Variants in PPM1D observed in about 807,000 individuals in gnomAD.
PPM1D encodes the protein protein phosphatase, Mg2+/Mn2+ dependent 1D, also known as protein phosphatase 1D.
PPM1D carries 52 observed loss-of-function variants against 58.3 expected under a neutral mutation model. The observed-to-expected ratio is 0.89, with a 90% CI of 0.71 to 1.12. PPM1D has a LOEUF of 1.12. PPM1D is among the 50% of genes most tolerant of loss of function. The pLI is 0.00. For synonymous variants in PPM1D, 278 were observed against 285.1 expected (o/e 0.98, Z 0.25); for missense variants, 564 against 777.2 (o/e 0.73, Z 3.26).
intron 2 of PPM1D, among the ~76,000 whole-genome samples, chr17:60,628,067 C>T (rs2030846074): frequency 1.3e-5 from 2 of 151,958 alleles, no homozygotes; most frequent in South Asian, 2.1e-4. Context: ...CGGGGTTTCA[C>T]GAACTCCCGA....
intron 1 of PPM1D, among the ~76,000 whole-genome samples, chr17:60,603,075 C>G (rs555942440): frequency 8.5e-5 from 13 of 152,270 alleles, no homozygotes; most frequent in South Asian, 2.1e-4. Context: ...CCCTGCCCCC[C>G]CAACAAGGAA....
intron 1 of PPM1D, among the ~76,000 whole-genome samples, chr17:60,622,002 A>G (rs927553142): frequency 6.6e-6 from 1 of 151,130 alleles, no homozygotes; most frequent in African/African-American, 2.4e-5. Context: ...CCTGGCTAAC[A>G]CAGTGAAACC....
rs754248455 is a variant in PPM1D, at chr17:60,663,481, A to C, written c.1747A>C (p.Arg583=). 6.2e-7 allele frequency: 1 copy of C among 1,613,982 alleles called. No individual in the cohort carries two copies. The highest frequency in any genetic ancestry group is 1.1e-5 in the South Asian group (1 of 91,084). ...CTCTGTTAAACTCACCATGCGACGCAGACTTAGGGGCCAGAAGAAAATTGG... is the reference window on the plus strand; with the variant it reads ...CTCTGTTAAACTCACCATGCGACGCCGACTTAGGGGCCAGAAGAAAATTGG... ...KNSVKLTMRR[R]LRGQKKIGNP... The change falls in exon 6 of 6, where the codon AGA becomes CGA. Residue 583 remains arginine (R), a synonymous_variant. Coordinates refer to ENST00000305921, the MANE Select transcript of PPM1D (RefSeq NM_003620.4).
chr17:60,618,630 AT>A (rs1450009587), intron 1 of PPM1D, among the ~76,000 whole-genome samples: 1 of 151,972 alleles, frequency 6.6e-6, no homozygotes, highest in Non-Finnish European at 1.5e-5. Flanking sequence ...CCATTCTCCC[AT>A]TTGGGTAGTC....
At chr17:60,630,900 T>A (rs970663172) in intron 2 of PPM1D, among the ~76,000 whole-genome samples, 1 of 152,242 alleles carries the variant, frequency 6.6e-6, no homozygotes, top group East Asian at 1.9e-4. Context: ...ACTCTTGTGT[T>A]TCATGGATTC....
intron 2 of PPM1D, among the ~76,000 whole-genome samples, chr17:60,624,328 TAC>T (rs1428066430): frequency 6.6e-6 from 1 of 152,212 alleles, no homozygotes; most frequent in Admixed American, 6.5e-5. Flanking sequence ...ATTATCTCAA[TAC>T]TAATTTTTAA....
At chr17:60,603,763 CAA>C (rs58124861) in intron 1 of PPM1D, among the ~76,000 whole-genome samples, 41 of 148,276 alleles carry the variant, frequency 2.8e-4, no homozygotes, top group East Asian at 3.9e-4. Context: ...GACTCCGTCT[CAA>C]AAAAAAAAAA....
At chr17:60,622,930 C>A (rs1202209548) in intron 1 of PPM1D, among the ~76,000 whole-genome samples, 1 of 152,138 alleles carries the variant, frequency 6.6e-6, no homozygotes, top group African/African-American at 2.4e-5. Context: ...AACCCCATCT[C>A]TACTAAAAAT....
chr17:60,608,250 C>A (rs7217833), intron 1 of PPM1D, among the ~76,000 whole-genome samples: 9,495 of 152,210 alleles, frequency 0.062, 993 homozygotes, highest in African/African-American at 0.22. Flanking sequence ...TTTAAATTCT[C>A]ATTAGTTTCT....
chr17:60,646,141 G>A (rs1435251891), intron 3 of PPM1D, among the ~76,000 whole-genome samples: 1 of 152,126 alleles, frequency 6.6e-6, no homozygotes, highest in Non-Finnish European at 1.5e-5. Flanking sequence ...CAACCAGGGA[G>A]CTTTGTTTTG....
intron 3 of PPM1D, among the ~76,000 whole-genome samples, chr17:60,645,586 G>A (rs1400818279): frequency 5.1e-5 from 7 of 138,030 alleles, no homozygotes; most frequent in African/African-American, 1.4e-4. Flanking sequence ...ATATATATGT[G>A]TGTATATATA....
intron 1 of PPM1D, among the ~76,000 whole-genome samples, chr17:60,607,315 T>C (rs1037824364): frequency 6.6e-6 from 1 of 151,992 alleles, no homozygotes; most frequent in African/African-American, 2.4e-5. Context: ...GGAGTTTTGC[T>C]CTTGTTGCCC....
intron 4 of PPM1D, among the ~76,000 whole-genome samples, chr17:60,653,943 T>C (rs1207285953): frequency 6.6e-6 from 1 of 152,222 alleles, no homozygotes; most frequent in Non-Finnish European, 1.5e-5. Context: ...CTTTAGGTTT[T>C]TGTAGGTATG....
At chr17:60,615,837 C>T (rs550179697) in intron 1 of PPM1D, among the ~76,000 whole-genome samples, 49 of 151,766 alleles carry the variant, frequency 3.2e-4, no homozygotes, top group African/African-American at 1.1e-3. Flanking sequence ...CTTTTTTAAG[C>T]GACAGGATCT....
intron 2 of PPM1D, among the ~76,000 whole-genome samples, chr17:60,631,223 G>A (rs1598405873): frequency 6.6e-6 from 1 of 152,250 alleles, no homozygotes; most frequent in South Asian, 2.1e-4. Context: ...GGGAAGCTGA[G>A]GTGGGAGCAT....
chr17:60,646,726 C>T (rs1033162766), intron 3 of PPM1D, among the ~76,000 whole-genome samples: 8 of 151,928 alleles, frequency 5.3e-5, no homozygotes, highest in African/African-American at 1.9e-4. Flanking sequence ...AAGTTATTGT[C>T]TCTTGAACAT....
intron 3 of PPM1D, among the ~76,000 whole-genome samples, chr17:60,645,556 G>GTGTATATATATGTATATATA (rs2031228215): frequency 1.7e-5 from 2 of 120,332 alleles, no homozygotes; most frequent in African/African-American, 8.6e-5. Flanking sequence ...GTATATATAT[G>GTGTATATATATGTATATATA]TGTGTGTATA....
chr17:60,646,740 G>A (rs1305942403), intron 3 of PPM1D, among the ~76,000 whole-genome samples: 1 of 151,992 alleles, frequency 6.6e-6, no homozygotes, highest in Non-Finnish European at 1.5e-5. Flanking sequence ...TGAACATTTT[G>A]ATGTTTGTAT....
At chr17:60,618,935 A>G (rs528409689) in intron 1 of PPM1D, among the ~76,000 whole-genome samples, 1 of 152,298 alleles carries the variant, frequency 6.6e-6, no homozygotes, top group African/African-American at 2.4e-5. Context: ...AGCAAATTTC[A>G]AGTATACAAA....
Sources: gnomAD v4.1 joint callset for allele counts (sites outside exome capture counted in the v4.1 genomes callset) on GRCh38, gnomAD v4.1.1 for gene constraint, MANE v1.5 for transcripts, NCBI Gene and HGNC (gene_info 2026-07-23, HGNC 2026-07-21) for gene names.